Variants in CARS1 observed in about 807,000 individuals in gnomAD.
CARS1 encodes cysteine--tRNA ligase, cytoplasmic.
Under a neutral mutation model 106.2 loss-of-function variants are expected in CARS1, and 48 were observed. The observed-to-expected ratio is 0.45, with a 90% CI of 0.36 to 0.57. The LOEUF (loss-of-function observed/expected upper bound fraction) is 0.57, where lower values mean the gene tolerates loss of function less well. CARS1 is among the 20% of genes least tolerant of loss of function. The probability of loss-of-function intolerance (pLI) is 0.00; values close to 1 mark genes in which losing one functional copy is unlikely to be tolerated. For missense variants in CARS1, 968 were observed against 1,057.2 expected (o/e 0.92, Z 1.17); for synonymous variants, 409 against 403.4 (o/e 1.01, Z -0.17).
At chr11:3,049,895 C>T (rs879632994) in intron 1 of CARS1, among the ~76,000 whole-genome samples, 2 of 152,222 alleles carry the variant, frequency 1.3e-5, no homozygotes, top group African/African-American at 2.4e-5. Flanking sequence ...TAACTGCACA[C>T]GAATGCCTTT....
At chr11:3,006,787 A>G (rs891354005) in intron 19 of CARS1, 92 bp downstream of exon 19, 4 of 1,000,300 alleles carry the variant, frequency 4.0e-6, no homozygotes, top group Non-Finnish European at 3.2e-6. Context: ...GCAATCATGA[A>G]GCATGAGCCT....
intron 20 of CARS1, among the ~76,000 whole-genome samples, chr11:3,002,978 G>C (rs544286021): frequency 7.9e-5 from 12 of 152,242 alleles, no homozygotes; most frequent in Non-Finnish European, 1.6e-4. Flanking sequence ...AGCACTGTGA[G>C]GGTTATCCTG....
rs991143096 is a variant in CARS1, at chr11:3,050,324, C to A, written c.26-2323G>T. On this transcript the variant is annotated intron_variant, in intron 1 of 22. Transcript: ENST00000380525. This position sits in a 1 kb window ranked among gnomAD's most constrained non-coding sequence, Gnocchi z 6.3. ...CCATCTGACCCCAATAAGATGGCCA[C>A]CCACTCCAAGCAGCCACAGGCACCC... is the stretch of plus-strand genomic sequence containing the variant. Among the ~76,000 whole-genome samples the A allele has an allele frequency of 1.3e-5, 2 of 152,136 alleles. No homozygotes were observed. The highest frequency in any genetic ancestry group is 2.9e-5 in the Non-Finnish European group (2 of 68,016).
intron 14 of CARS1, 191 bp downstream of exon 14, chr11:3,018,217 C>A: frequency 1.6e-6 from 1 of 613,550 alleles, no homozygotes; most frequent in Non-Finnish European, 2.9e-6. Flanking sequence ...TCTGTCCACT[C>A]TGCTGAGCCG....
At chr11:3,016,102 AGAG>A (rs1565037108) in intron 16 of CARS1, among the ~76,000 whole-genome samples, 3 of 152,130 alleles carry the variant, frequency 2.0e-5, no homozygotes, top group African/African-American at 7.2e-5. Flanking sequence ...CAACAAGGAA[AGAG>A]GAGGAGAGGG....
rs564409566 is a variant in CARS1 at position 3,044,720 on chromosome 11, T to G, written c.275-2464A>C. Among the ~76,000 whole-genome samples the G allele has an allele frequency of 6.6e-6, 1 of 151,906 alleles. No individual in the cohort carries two copies. Among genetic ancestry groups the G allele is most frequent in the Non-Finnish European group, 1.5e-5 (1 of 67,978 alleles). ...TGTGCTTTTGTTTCTTTGGAAAAAA[T>G]GAACACACATTCGTTGATTCCAGAG... is the stretch of plus-strand genomic sequence containing the variant. On this transcript the variant is annotated intron_variant, in intron 2 of 22. Transcript: ENST00000380525. The surrounding 1 kb of genome is among the most constrained non-coding windows in gnomAD (Gnocchi z 4.4).
chr11:3,016,473 T>C lies in CARS1; in HGVS notation c.1918-624A>G, dbSNP rs184460179. On this transcript the variant is annotated intron_variant, in intron 16 of 22. Coordinates refer to ENST00000380525, the MANE Select transcript of CARS1 (RefSeq NM_001014437.3). ...CTCCTGACCTTGTGATCCGCCCGCC[T>C]TGGCCTCCCAAAGTGCTGGGATTAC... Among the ~76,000 whole-genome samples, 1,207 of 152,260 alleles carry C rather than the reference T, an allele frequency of 7.9e-3. 15 individuals carry two copies. Among genetic ancestry groups the C allele is most frequent in the African/African-American group, 0.027 (1,139 of 41,546 alleles).
rs1214596703 is a variant in CARS1 at position 3,052,238 on chromosome 11, AC to A, written c.26-4238del. Among the ~76,000 whole-genome samples, 1 of 152,162 alleles carries A rather than the reference AC, an allele frequency of 6.6e-6. No individual in the cohort carries two copies. ...GCCCCGACGCCCTCCAGGGCTGAGT[AC>A]CTACACTCACACACACGGCGGCATT... On this transcript the variant is annotated intron_variant, in intron 1 of 22. Coordinates refer to ENST00000380525, the MANE Select transcript of CARS1 (RefSeq NM_001014437.3). This position sits in a 1 kb window ranked among gnomAD's most constrained non-coding sequence, Gnocchi z 4.6.
At position 3,037,068 on chromosome 11, in the gene CARS1, G is replaced by T. The variant is rs554614794; in HGVS notation, c.801+982C>A. ...GAAAAAAATTACAGCAGCATTGTTG[G>T]TAAGAAGGAAACCTAACTGCCCGTC... On this transcript the variant is annotated intron_variant, in intron 7 of 22. Transcript: ENST00000380525. This position sits in a 1 kb window ranked among gnomAD's most constrained non-coding sequence, Gnocchi z 5.9. 6.6e-6 allele frequency among the ~76,000 whole-genome samples: 1 copy of T among 152,142 alleles called. No individual in the cohort carries two copies. Among genetic ancestry groups the T allele is most frequent in the East Asian group, 1.9e-4 (1 of 5,196 alleles).
intron 1 of CARS1, among the ~76,000 whole-genome samples, chr11:3,049,199 C>A (rs1855416655): frequency 6.6e-6 from 1 of 152,088 alleles, no homozygotes; most frequent in Non-Finnish European, 1.5e-5. Context: ...ATCACAGCCT[C>A]AAAATGCTGG....
intron 1 of CARS1, among the ~76,000 whole-genome samples, chr11:3,055,593 C>A (rs569583144): frequency 2.8e-4 from 42 of 152,354 alleles, no homozygotes; most frequent in Middle Eastern, 6.8e-3. Context: ...CTGCCTGCTG[C>A]CCTGACAGCC....
rs1452921597 is a variant in CARS1 at position 3,041,079 on chromosome 11, T to C, written c.367-95A>G. On this transcript the variant is annotated intron_variant, in intron 3 of 22. Coordinates refer to ENST00000380525, the MANE Select transcript of CARS1 (RefSeq NM_001014437.3). This position sits in a 1 kb window ranked among gnomAD's most constrained non-coding sequence, Gnocchi z 4.9. ...GCAACAAACATCACAGTGTGGTTTG[T>C]GTTTAGTGTAAACAATTCAACAGAG... 2 of 1,600,228 alleles carry C rather than the reference T, an allele frequency of 1.2e-6. No homozygotes were observed. Among genetic ancestry groups the C allele is most frequent in the Non-Finnish European group, 8.5e-7 (1 of 1,171,294 alleles).
intron 2 of CARS1, among the ~76,000 whole-genome samples, chr11:3,042,962 C>T (rs1341371839): frequency 6.6e-6 from 1 of 152,208 alleles, no homozygotes; most frequent in Non-Finnish European, 1.5e-5. Context: ...TGGCTCCCAG[C>T]TCTGGGCCCA....
At position 3,012,914 on chromosome 11, in the gene CARS1, G is replaced by A. The variant is rs571758542; in HGVS notation, c.1987-638C>T. On this transcript the variant is annotated intron_variant, in intron 17 of 22. Transcript: ENST00000380525. The stretch of plus-strand genomic sequence containing the variant: ...TTTTTTTTTTTTTTTTTTTTAAGAC[G>A]GAATCTTGCTCTGTTGCCAGGCTGG... 2.5e-3 allele frequency among the ~76,000 whole-genome samples: 344 copies of A among 135,500 alleles called. 2 individuals carry two copies. Among genetic ancestry groups the A allele is most frequent in the African/African-American group, 9.5e-3 (329 of 34,464 alleles). The allele number at this position is 135,500 out of a possible 152,430, so 88.9% of individuals were successfully genotyped here. A position where few individuals can be genotyped will look rare whatever the true frequency, so the allele number is the denominator to read the frequency against.
At chr11:3,047,707 T>G in intron 2 of CARS1, 46 bp downstream of exon 2, 1 of 1,569,106 alleles carries the variant, frequency 6.4e-7, no homozygotes, top group South Asian at 1.2e-5. Flanking sequence ...GCCCTTGACC[T>G]TGGGAGAGAG....
rs1462014277 is a variant in CARS1 at position 3,037,030 on chromosome 11, G to A, written c.801+1020C>T. Among the ~76,000 whole-genome samples the A allele has an allele frequency of 6.6e-6, 1 of 151,944 alleles. No individual in the cohort carries two copies. The highest frequency in any genetic ancestry group is 2.4e-5 in the African/African-American group (1 of 41,362). On this transcript the variant is annotated intron_variant, in intron 7 of 22. Coordinates refer to ENST00000380525, the MANE Select transcript of CARS1 (RefSeq NM_001014437.3). This position sits in a 1 kb window ranked among gnomAD's most constrained non-coding sequence, Gnocchi z 5.9. ...AATTAAAAAAAAAAAAAGAATATTA[G>A]TGGAACAACTGGGAAAAAAATTACA...
chr11:3,054,908 G>C (rs895015260), intron 1 of CARS1: 10 of 702,512 alleles, frequency 1.4e-5, no homozygotes, highest in Non-Finnish European at 2.6e-5. Context: ...GGTATCCCAA[G>C]TCTGTGCGGA....
At position 3,003,700 on chromosome 11, in the gene CARS1, G is replaced by C. The variant is rs1356041997; in HGVS notation, c.2218-1100C>G. On this transcript the variant is annotated intron_variant, in intron 20 of 22. Coordinates refer to ENST00000380525, the MANE Select transcript of CARS1 (RefSeq NM_001014437.3). The surrounding 1 kb of genome is among the most constrained non-coding windows in gnomAD (Gnocchi z 4.8). ...GAGGGAAAGGGGCTGAGGTGGGGGAGGAGCTGGGCACTGAGCTTGGAGGAA... is the reference window on the plus strand; with the variant it reads ...GAGGGAAAGGGGCTGAGGTGGGGGACGAGCTGGGCACTGAGCTTGGAGGAA... Among the ~76,000 whole-genome samples the C allele has an allele frequency of 6.6e-6, 1 of 152,178 alleles. No homozygotes were observed. The highest frequency in any genetic ancestry group is 2.4e-5 in the African/African-American group (1 of 41,434).
chr11:3,015,552 G>T (rs529974491), intron 17 of CARS1, among the ~76,000 whole-genome samples: 3 of 152,228 alleles, frequency 2.0e-5, no homozygotes, highest in African/African-American at 7.2e-5. Context: ...CAGCACAATG[G>T]CAAAGTGCCC....
Sources: allele counts gnomAD v4.1 joint callset (sites outside exome capture counted in the v4.1 genomes callset), GRCh38; gene constraint gnomAD v4.1.1; non-coding constraint Gnocchi (gnomAD v3.1); transcripts MANE v1.5; gene names NCBI Gene and HGNC (gene_info 2026-07-23, HGNC 2026-07-21).